Variants in SSBP2 observed in about 807,000 individuals in gnomAD.
The protein encoded by SSBP2 is single-stranded DNA-binding protein 2.
Under a neutral mutation model 61.8 loss-of-function variants are expected in SSBP2, and 17 were observed. The observed-to-expected ratio is 0.28, with a 90% confidence interval of 0.19 to 0.41. The LOEUF is 0.41. Ranked by LOEUF, SSBP2 falls within the 10% of genes least tolerant of loss-of-function variation. The probability of loss-of-function intolerance (pLI) is 1.00; values close to 1 mark genes in which losing one functional copy is unlikely to be tolerated. For missense variants in SSBP2, 310 were observed against 458.7 expected (o/e 0.68, Z 2.96); for synonymous variants, 139 against 141.3 (o/e 0.98, Z 0.12).
At chr5:81,429,323 A>T (rs1448296552) in intron 15 of SSBP2, among the ~76,000 whole-genome samples, 2 of 152,170 alleles carry the variant, frequency 1.3e-5, no homozygotes, top group South Asian at 4.1e-4. Flanking sequence ...TTAAGAGTAG[A>T]TTTACTTTGG....
At chr5:81,433,494 G>A (rs1309302167) in intron 15 of SSBP2, among the ~76,000 whole-genome samples, 2 of 149,518 alleles carry the variant, frequency 1.3e-5, no homozygotes, top group African/African-American at 2.5e-5. Flanking sequence ...AGAGACCTTT[G>A]TTCACTTGTT....
intron 4 of SSBP2, among the ~76,000 whole-genome samples, chr5:81,596,191 GTAACAGAC>G (rs1295003106): frequency 2.6e-5 from 4 of 151,930 alleles, no homozygotes; most frequent in African/African-American, 4.8e-5. Flanking sequence ...TTATACACCA[GTAACAGAC>G]AAACAGAGAG....
intron 1 of SSBP2, among the ~76,000 whole-genome samples, chr5:81,727,702 A>C (rs971205209): frequency 6.6e-6 from 1 of 152,224 alleles, no homozygotes; most frequent in African/African-American, 2.4e-5. Flanking sequence ...ATCTCTTGAT[A>C]ACTCATAATT....
intron 10 of SSBP2, 111 bp downstream of exon 10, chr5:81,460,941 TAAA>T (rs936394064): frequency 8.0e-5 from 41 of 512,634 alleles, no homozygotes; most frequent in Admixed American, 1.7e-4. Flanking sequence ...AATGATTACT[TAAA>T]AAAGGGTTAC....
intron 5 of SSBP2, among the ~76,000 whole-genome samples, chr5:81,497,547 G>C (rs894782998): frequency 6.6e-6 from 1 of 152,150 alleles, no homozygotes; most frequent in African/African-American, 2.4e-5. Context: ...GAGTAAATCA[G>C]ACTATTGGTA....
chr5:81,423,927 C>A (rs1761780544), intron 16 of SSBP2, among the ~76,000 whole-genome samples: 1 of 152,098 alleles, frequency 6.6e-6, no homozygotes, highest in South Asian at 2.1e-4. Context: ...TCAACACTGG[C>A]AACTGTTAAC....
chr5:81,594,686 A>T (rs960565756), intron 4 of SSBP2, among the ~76,000 whole-genome samples: 6 of 152,142 alleles, frequency 3.9e-5, no homozygotes, highest in African/African-American at 1.2e-4. Context: ...GGATTAAGAA[A>T]CTCACTCAAA....
intron 1 of SSBP2, among the ~76,000 whole-genome samples, chr5:81,682,811 T>C (rs1752495094): frequency 6.6e-6 from 1 of 151,982 alleles, no homozygotes; most frequent in Admixed American, 6.6e-5. Context: ...AATAAACAAT[T>C]ATAGTAAGTT....
rs190239834 is a variant in SSBP2, at chr5:81,518,220, T to C, written c.283-4503A>G. ...TGATTATTAGAAACTGGAAAGGGGA[T>C]TAAAGGGAAGGGTGAGTAGGAAGAG... On this transcript the variant is annotated intron_variant, in intron 4 of 16. Transcript: ENST00000320672. 1.1e-4 allele frequency among the ~76,000 whole-genome samples: 16 copies of C among 152,044 alleles called. No homozygotes were observed. The East Asian group carries it at 2.9e-3, about 28-fold the overall frequency.
chr5:81,622,780 C>T (rs1746732917), intron 3 of SSBP2, among the ~76,000 whole-genome samples: 1 of 152,188 alleles, frequency 6.6e-6, no homozygotes, highest in South Asian at 2.1e-4. Context: ...CTGGATCTCT[C>T]TCTCTCTTCT....
At chr5:81,466,145 C>A (rs1309191964) in intron 9 of SSBP2, among the ~76,000 whole-genome samples, 1 of 151,980 alleles carries the variant, frequency 6.6e-6, no homozygotes, top group African/African-American at 2.4e-5. Context: ...CTATATGGAA[C>A]ACTTTCATTA....
intron 1 of SSBP2, among the ~76,000 whole-genome samples, chr5:81,748,161 TA>T (rs1757473208): frequency 6.6e-6 from 1 of 152,210 alleles, no homozygotes; most frequent in Non-Finnish European, 1.5e-5. Flanking sequence ...TTCTTGATTA[TA>T]AAACCAATGT....
intron 1 of SSBP2, among the ~76,000 whole-genome samples, chr5:81,685,453 T>G (rs1309666263): frequency 3.9e-5 from 6 of 152,204 alleles, no homozygotes; most frequent in Non-Finnish European, 8.8e-5. Flanking sequence ...AGGCAGGATG[T>G]GTGGAGGGAA....
intron 6 of SSBP2, among the ~76,000 whole-genome samples, chr5:81,479,856 T>C (rs960157079): frequency 2.0e-5 from 3 of 152,196 alleles, no homozygotes; most frequent in Admixed American, 2.0e-4. Flanking sequence ...ATGCTATTTT[T>C]AAAAAGGTTT....
Position 81,412,832 on chromosome 5 carries a change from A to G in SSBP2, c.*7672T>C, listed in dbSNP as rs1028255552. On this transcript the variant is annotated 3_prime_UTR_variant, in exon 17 of 17. Transcript: ENST00000320672. ...GCAGTAAAATACCAAAGTTTAATTC[A>G]TTAACATATCTATTTGCTAATAACA... Among the ~76,000 whole-genome samples, 1 of 152,088 alleles carries G rather than the reference A, an allele frequency of 6.6e-6. No homozygotes were observed. Among genetic ancestry groups the G allele is most frequent in the African/African-American group, 2.4e-5 (1 of 41,458 alleles).
In SSBP2 at chr5:81,415,288, T is replaced by G. The variant is rs1157948051; in HGVS notation, c.*5216A>C. Reference sequence around the variant, plus strand: ...AAAGACAGAGAACTACAGTTGTCCCTCCGTATCCAAGGGAGACCGGTTCCA... The same window carrying G: ...AAAGACAGAGAACTACAGTTGTCCCGCCGTATCCAAGGGAGACCGGTTCCA... On this transcript the variant is annotated 3_prime_UTR_variant, in exon 17 of 17. Transcript: ENST00000320672. 3 of 152,174 alleles carry G rather than the reference T, an allele frequency of 2.0e-5. No individual in the cohort carries two copies. The highest frequency in any genetic ancestry group is 4.4e-5 in the Non-Finnish European group (3 of 68,044). The allele number at this position is 152,174 out of a possible 1,614,324, so 9.4% of individuals were successfully genotyped here. A position where few individuals can be genotyped will look rare whatever the true frequency, so the allele number is the denominator to read the frequency against.
chr5:81,703,519 C>T (rs1015760934), intron 1 of SSBP2, among the ~76,000 whole-genome samples: 5 of 151,928 alleles, frequency 3.3e-5, no homozygotes, highest in African/African-American at 1.2e-4. Context: ...TGTAACTAAC[C>T]TGCACATTGT....
chr5:81,715,169 CAG>C (rs750847576), intron 1 of SSBP2, among the ~76,000 whole-genome samples: 1 of 151,976 alleles, frequency 6.6e-6, no homozygotes, highest in African/African-American at 2.4e-5. Flanking sequence ...GCTGGGGAGA[CAG>C]GGGGAGAGAC....
At chr5:81,461,237 T>C (rs1371097964) in intron 9 of SSBP2, 134 bp from the exon 10 acceptor site, 8 of 564,896 alleles carry the variant, frequency 1.4e-5, no homozygotes, top group South Asian at 3.9e-5. Context: ...AATTACTCTC[T>C]TTATATTTAT....
Sources: allele counts gnomAD v4.1 joint callset (sites outside exome capture counted in the v4.1 genomes callset), GRCh38; gene constraint gnomAD v4.1.1; transcripts MANE v1.5; gene names NCBI Gene and HGNC (gene_info 2026-07-23, HGNC 2026-07-21).